SLC2A13: variants seen among roughly 807,000 people sequenced by gnomAD.
SLC2A13 encodes proton myo-inositol cotransporter.
A neutral mutation model predicts 64.4 loss-of-function variants in SLC2A13; 32 were observed. That is an observed-to-expected ratio of 0.50 (90% CI 0.37 to 0.67). SLC2A13 has a LOEUF of 0.67. SLC2A13 is among the 30% of genes least tolerant of loss of function. The probability of loss-of-function intolerance (pLI) is 0.00; values close to 1 mark genes in which losing one functional copy is unlikely to be tolerated. For missense variants in SLC2A13, 743 were observed against 829.2 expected, an observed-to-expected ratio of 0.90 and a Z score of 1.28; for synonymous variants, 338 against 327.1, an observed-to-expected ratio of 1.03 and a Z score of -0.36.
rs144308086 is a variant in SLC2A13, at chr12:40,011,655, G to A, written c.925+16646C>T. 2.0e-4 allele frequency among the ~76,000 whole-genome samples: 31 copies of A among 152,016 alleles called. No individual in the cohort carries two copies. In the East Asian group the frequency reaches 5.6e-3, roughly 28 times the overall value. On this transcript the variant is annotated intron_variant, in intron 3 of 9. Transcript: ENST00000280871. ...TCAACCCTTTCCTTCCTCCCTCCCC[G>A]TCTCCTCCCTCTAGTAGTCCTCGGC... is the stretch of plus-strand genomic sequence containing the variant.
At chr12:39,899,863 T>C (rs1945036619) in intron 4 of SLC2A13, among the ~76,000 whole-genome samples, 1 of 152,124 alleles carries the variant, frequency 6.6e-6, no homozygotes, top group South Asian at 2.1e-4. Flanking sequence ...TTATAATTTC[T>C]GTTCTTTTAC....
intron 3 of SLC2A13, among the ~76,000 whole-genome samples, chr12:39,968,571 C>T (rs770257970): frequency 3.3e-5 from 5 of 151,878 alleles, no homozygotes; most frequent in Non-Finnish European, 4.4e-5. Flanking sequence ...CTCCCTCCTC[C>T]TCTGGGATCT....
chr12:39,986,288 C>G (rs1947029922), intron 3 of SLC2A13, among the ~76,000 whole-genome samples: 1 of 151,924 alleles, frequency 6.6e-6, no homozygotes, highest in Admixed American at 6.6e-5. Flanking sequence ...AACATTTGGA[C>G]CATTGCAGAA....
At chr12:39,958,038 C>G (rs1946346992) in intron 3 of SLC2A13, among the ~76,000 whole-genome samples, 1 of 152,198 alleles carries the variant, frequency 6.6e-6, no homozygotes, top group Non-Finnish European at 1.5e-5. Context: ...ACATACAAAA[C>G]AGAAGTCCTC....
intron 4 of SLC2A13, among the ~76,000 whole-genome samples, chr12:39,913,293 G>A (rs1945460901): frequency 6.6e-6 from 1 of 151,964 alleles, no homozygotes; most frequent in Non-Finnish European, 1.5e-5. Context: ...TTAAGTTAGA[G>A]ATAAGAGAAC....
Position 39,821,631 on chromosome 12 carries a change from A to C in SLC2A13, c.1445+8472T>G, listed in dbSNP as rs115417040. Among the ~76,000 whole-genome samples, 491 of 152,288 alleles carry C rather than the reference A, an allele frequency of 3.2e-3. 1 individual carries two copies. The highest frequency in any genetic ancestry group is 0.011 in the African/African-American group (469 of 41,566). On this transcript the variant is annotated intron_variant, in intron 7 of 9. Transcript: ENST00000280871. ...TCACCCTGTGACCAAATCTAATGGA[A>C]CACCTTCTATTTTAGGACATGGTGA...
In SLC2A13 at chr12:40,094,510, T is replaced by C. The variant is rs527310967; in HGVS notation, c.556+10743A>G. 5.9e-5 allele frequency among the ~76,000 whole-genome samples: 9 copies of C among 152,246 alleles called. No homozygotes were observed. The East Asian group carries it at 1.7e-3, about 29-fold the overall frequency. On this transcript the variant is annotated intron_variant, in intron 1 of 9. Transcript: ENST00000280871. ...CCAAAGAAAATGGCCCATAAAGACA[T>C]GATTTACTTGTGTCAAATGCCTTTG... is the stretch of plus-strand genomic sequence containing the variant.
chr12:39,898,877 A>G (rs1460502831), intron 4 of SLC2A13, among the ~76,000 whole-genome samples: 1 of 152,184 alleles, frequency 6.6e-6, no homozygotes. Context: ...TCACCCTTGT[A>G]TATAAAATGG....
intron 4 of SLC2A13, among the ~76,000 whole-genome samples, chr12:39,891,703 A>C (rs1471562593): frequency 6.6e-6 from 1 of 152,132 alleles, no homozygotes; most frequent in Non-Finnish European, 1.5e-5. Context: ...TGGCTCAGAG[A>C]AGTTATGAAC....
At chr12:39,861,574 T>TCTTA (rs554322062) in intron 6 of SLC2A13, among the ~76,000 whole-genome samples, 96 of 152,334 alleles carry the variant, frequency 6.3e-4, no homozygotes, top group African/African-American at 2.3e-3. Context: ...CTTGGCTAGC[T>TCTTA]CTTATGAGAA....
rs1430627052 is a variant in SLC2A13, at chr12:39,864,865, T to C, written c.1216A>G (p.Ile406Val). 1.2e-6 allele frequency: 2 copies of C among 1,613,364 alleles called. No individual in the cohort carries two copies. Among genetic ancestry groups the C allele is most frequent in the Non-Finnish European group, 1.7e-6 (2 of 1,179,852 alleles). Reference sequence around the variant, plus strand: ...AGCACAAATCCCAAGGCAAGAATAATGAGTGCTACGGTGGTACCTTAAAAA... The same window carrying C: ...AGCACAAATCCCAAGGCAAGAATAACGAGTGCTACGGTGGTACCTTAAAAA... ...GSLAGTTVAL[I>V]ILALGFVLSA... is the part of the protein sequence containing the mutation. Residue 406 changes from isoleucine (I) to valine (V), a missense_variant, in exon 6 of 10, where the codon ATT becomes GTT. Coordinates refer to ENST00000280871, the MANE Select transcript of SLC2A13 (RefSeq NM_052885.4).
intron 7 of SLC2A13, among the ~76,000 whole-genome samples, chr12:39,809,569 A>G (rs1315204644): frequency 6.6e-6 from 1 of 152,194 alleles, no homozygotes; most frequent in Admixed American, 6.5e-5. Context: ...GGTTTGTTAC[A>G]TATGTACACA....
intron 7 of SLC2A13, among the ~76,000 whole-genome samples, chr12:39,812,771 G>C (rs967098270): frequency 2.0e-5 from 3 of 148,160 alleles, no homozygotes; most frequent in Non-Finnish European, 4.5e-5. Flanking sequence ...TGCACCTGGC[G>C]GTTTCTAATT....
At chr12:39,924,349 C>G (rs1421396944) in intron 4 of SLC2A13, among the ~76,000 whole-genome samples, 1 of 152,014 alleles carries the variant, frequency 6.6e-6, no homozygotes, top group Non-Finnish European at 1.5e-5. Context: ...AGGACTTCAC[C>G]TTTTTCTGAC....
At chr12:39,805,560 G>C (rs1025025799) in intron 7 of SLC2A13, among the ~76,000 whole-genome samples, 5 of 151,650 alleles carry the variant, frequency 3.3e-5, no homozygotes, top group African/African-American at 9.7e-5. Context: ...GCCTGAAACA[G>C]TGTATTTAAA....
intron 3 of SLC2A13, among the ~76,000 whole-genome samples, chr12:40,000,675 T>A (rs909764610): frequency 2.5e-4 from 38 of 152,350 alleles, no homozygotes; most frequent in African/African-American, 8.7e-4. Flanking sequence ...TATCCCGACA[T>A]GTTCTTTCCT....
intron 6 of SLC2A13, among the ~76,000 whole-genome samples, chr12:39,857,991 G>A (rs764865818): frequency 6.6e-6 from 1 of 152,154 alleles, no homozygotes; most frequent in Non-Finnish European, 1.5e-5. Flanking sequence ...CAAGGTTTGG[G>A]TAGCAAGTCT....
chr12:39,858,291 G>A (rs1424042529), intron 6 of SLC2A13, among the ~76,000 whole-genome samples: 2 of 152,076 alleles, frequency 1.3e-5, no homozygotes, highest in Non-Finnish European at 2.9e-5. Context: ...ATTGACTTAT[G>A]TACATTTATC....
At chr12:39,922,000 T>C (rs960929424) in intron 4 of SLC2A13, among the ~76,000 whole-genome samples, 1 of 152,182 alleles carries the variant, frequency 6.6e-6, no homozygotes, top group Non-Finnish European at 1.5e-5. Flanking sequence ...CTAGTGCTTA[T>C]GTGATGTACC....
Sources: allele counts gnomAD v4.1 joint callset (sites outside exome capture counted in the v4.1 genomes callset), GRCh38; gene constraint gnomAD v4.1.1; transcripts MANE v1.5; gene names NCBI Gene and HGNC (gene_info 2026-07-23, HGNC 2026-07-21).